The following KIF26B variants were observed in gnomAD, a reference collection of about 807,000 sequenced individuals.
The protein encoded by KIF26B is kinesin-like protein KIF26B.
Under a neutral mutation model 151.2 loss-of-function variants are expected in KIF26B, and 63 were observed. That is an observed-to-expected ratio of 0.42 (90% CI 0.34 to 0.51). The LOEUF is 0.51. Among genes scored for constraint, KIF26B ranks in the 20% least tolerant of loss-of-function variants. The probability of loss-of-function intolerance (pLI) is 0.07; values close to 1 mark genes in which losing one functional copy is unlikely to be tolerated. For synonymous variants in KIF26B, 1,357 were observed against 1,262.1 expected (o/e 1.08, Z -1.59); for missense variants, 2,813 against 2,913.6 (o/e 0.97, Z 0.79).
At chr1:245,271,543 C>A (rs1670856319) in intron 2 of KIF26B, among the ~76,000 whole-genome samples, 1 of 146,704 alleles carries the variant, frequency 6.8e-6, no homozygotes, top group Non-Finnish European at 1.5e-5. Flanking sequence ...TGGTTTCTTG[C>A]AGTTCTTATA....
At chr1:245,593,474 A>G (rs988193631) in intron 5 of KIF26B, among the ~76,000 whole-genome samples, 1 of 152,128 alleles carries the variant, frequency 6.6e-6, no homozygotes, top group African/African-American at 2.4e-5. Flanking sequence ...TTCCTGCTTC[A>G]TCCATGTCCC....
chr1:245,351,154 G>A (rs1672560425), intron 2 of KIF26B, among the ~76,000 whole-genome samples: 1 of 152,230 alleles, frequency 6.6e-6, no homozygotes, highest in Non-Finnish European at 1.5e-5. Context: ...GCGTTTCCCT[G>A]TCCGCATGGA....
intron 5 of KIF26B, among the ~76,000 whole-genome samples, chr1:245,586,853 T>G (rs1437178492): frequency 6.9e-6 from 1 of 144,286 alleles, no homozygotes; most frequent in Non-Finnish European, 1.5e-5. Context: ...GCCACTGCAG[T>G]CCGCAGTCCG....
chr1:245,624,283 GAAA>G (rs5782361), intron 9 of KIF26B, among the ~76,000 whole-genome samples: 1 of 144,384 alleles, frequency 6.9e-6, no homozygotes, highest in Non-Finnish European at 1.5e-5. Context: ...GGGAATATTT[GAAA>G]AAAAAAAAAA....
At chr1:245,271,582 C>CT (rs541575144) in intron 2 of KIF26B, among the ~76,000 whole-genome samples, 1,908 of 126,944 alleles carry the variant, frequency 0.015, 22 homozygotes, top group African/African-American at 0.035. Flanking sequence ...CAGTCAAATG[C>CT]TTTTTTTTTT....
intron 2 of KIF26B, among the ~76,000 whole-genome samples, chr1:245,175,691 T>C (rs1000898764): frequency 1.5e-4 from 23 of 152,250 alleles, no homozygotes; most frequent in African/African-American, 5.5e-4. Flanking sequence ...TTAAAAATAG[T>C]GAAGAGACCA....
chr1:245,688,538 G>A lies in KIF26B; in HGVS notation c.5555G>A (p.Ser1852Asn), dbSNP rs1229624918. ...GCGCACCTGCTCCCGTCGCCCTACA[G>A]CAAGATCACGCCCCCGCGGAGGCCC... is the stretch of plus-strand genomic sequence containing the variant. ...AAAHLLPSPY[S>N]KITPPRRPHR... Residue 1852 changes from serine (S) to asparagine (N), a missense_variant, in exon 12 of 15, where the codon AGC becomes AAC. Physicochemically the swap from Ser to Asn is conservative, Grantham distance 46. Around this residue, in one of 3 missense-constraint regions of KIF26B, gnomAD observed 2,060 missense variants for 2,088.6 expected, o/e 0.99. Transcript: ENST00000407071. 4.6e-6 allele frequency: 7 copies of A among 1,538,312 alleles called. No individual in the cohort carries two copies. In the East Asian group the frequency reaches 1.7e-4, roughly 38 times the overall value.
intron 4 of KIF26B, among the ~76,000 whole-genome samples, chr1:245,466,651 C>G (rs958155760): frequency 6.6e-6 from 1 of 152,208 alleles, no homozygotes; most frequent in East Asian, 1.9e-4. Flanking sequence ...TCCGGCTGGG[C>G]GTGGTGGCTC....
In KIF26B at chr1:245,230,986, C is replaced by CA. The variant is rs550436203; in HGVS notation, c.465+74312dup. The stretch of plus-strand genomic sequence containing the variant: ...GCCAGAAAGAAATGGAGGAAAAAGA[C>CA]AAAAAAAAATCATCTCAGGCATGAA... On this transcript the variant is annotated intron_variant, in intron 2 of 14. Transcript: ENST00000407071. 3.9e-3 allele frequency among the ~76,000 whole-genome samples: 572 copies of CA among 148,430 alleles called. 3 individuals are homozygous for CA. The highest frequency in any genetic ancestry group is 0.013 in the African/African-American group (524 of 40,420).
rs573045101 is a variant in KIF26B at position 245,532,276 on chromosome 1, T to C, written c.1167-8491T>C. Among the ~76,000 whole-genome samples the C allele has an allele frequency of 3.1e-4, 45 of 146,486 alleles. 1 individual carries two copies. In the South Asian group the frequency reaches 7.9e-3, roughly 26 times the overall value. ...TTTTTTTTTTTTTGAGACAGAGTCT[T>C]GCTCTGTCGCCCAGGCTGGAGTGCA... On this transcript the variant is annotated intron_variant, in intron 4 of 14. Transcript: ENST00000407071.
At chr1:245,565,285 G>GTTTT (rs1256119024) in intron 5 of KIF26B, among the ~76,000 whole-genome samples, 1 of 136,522 alleles carries the variant, frequency 7.3e-6, no homozygotes. Flanking sequence ...TTTTTTTTGG[G>GTTTT]TTTTTTTGTT....
At chr1:245,671,339 G>T (rs915389269) in intron 10 of KIF26B, among the ~76,000 whole-genome samples, 3 of 152,152 alleles carry the variant, frequency 2.0e-5, no homozygotes, top group African/African-American at 7.2e-5. Context: ...ATATAACACG[G>T]ATGTACCTTG....
chr1:245,351,980 C>T (rs1431790257), intron 2 of KIF26B, among the ~76,000 whole-genome samples: 1 of 152,110 alleles, frequency 6.6e-6, no homozygotes, highest in Non-Finnish European at 1.5e-5. Flanking sequence ...ATTAACTAGG[C>T]AAAAACCTAC....
At chr1:245,510,576 TTCTCTCTCTCTCTCTCTCTCTC>T (rs4021193) in intron 4 of KIF26B, among the ~76,000 whole-genome samples, 2 of 134,022 alleles carry the variant, frequency 1.5e-5, no homozygotes, top group African/African-American at 5.9e-5. Flanking sequence ...TTAGCAGAGC[TTCTCTCTCTCTCTCTCTCTCTC>T]TCTCTCTCTC....
chr1:245,216,186 G>A (rs917944779), intron 2 of KIF26B: 4 of 137,098 alleles, frequency 2.9e-5, no homozygotes, highest in African/African-American at 1.1e-4. Flanking sequence ...CCATTTTTAT[G>A]GGAATTACTT....
intron 3 of KIF26B, among the ~76,000 whole-genome samples, chr1:245,406,646 T>C (rs1217178010): frequency 6.6e-6 from 1 of 152,190 alleles, no homozygotes; most frequent in East Asian, 1.9e-4. Context: ...TTTCAGTCTC[T>C]TAATCTCATT....
In KIF26B at chr1:245,707,552, T is replaced by C. The variant is rs572800215; in HGVS notation, c.*4946T>C. The C allele has an allele frequency of 6.6e-6, 1 of 152,382 alleles. No individual in the cohort carries two copies. Among genetic ancestry groups the C allele is most frequent in the Admixed American group, 6.5e-5 (1 of 15,312 alleles). The allele number at this position is 152,382 out of a possible 1,614,324, so 9.4% of individuals were successfully genotyped here. A position where few individuals can be genotyped will look rare whatever the true frequency, so the allele number is the denominator to read the frequency against. On this transcript the variant is annotated 3_prime_UTR_variant, in exon 15 of 15. Coordinates refer to ENST00000407071, the MANE Select transcript of KIF26B (RefSeq NM_018012.4). Reference sequence around the variant, plus strand: ...GGTTGGAAATGCTATCCACGTGCCGTGCATCGAGGTGGAGATTTGCTGGAT... The same window carrying C: ...GGTTGGAAATGCTATCCACGTGCCGCGCATCGAGGTGGAGATTTGCTGGAT...
chr1:245,311,277 G>A (rs1446581494), intron 2 of KIF26B, among the ~76,000 whole-genome samples: 1 of 152,186 alleles, frequency 6.6e-6, no homozygotes, highest in African/African-American at 2.4e-5. Context: ...CATTGTGGGA[G>A]GGTGGTCCGT....
intron 2 of KIF26B, among the ~76,000 whole-genome samples, chr1:245,292,018 C>T (rs1028162164): frequency 3.3e-5 from 5 of 152,268 alleles, no homozygotes; most frequent in African/African-American, 1.2e-4. Context: ...GGGTTACAGA[C>T]ACAGGGGAGG....
Sources: allele counts gnomAD v4.1 joint callset (sites outside exome capture counted in the v4.1 genomes callset), GRCh38; gene constraint gnomAD v4.1.1; regional missense constraint gnomAD v4.1.1; transcripts MANE v1.5; gene names NCBI Gene and HGNC (gene_info 2026-07-23, HGNC 2026-07-21).